The following DPY19L1 variants were observed in gnomAD, a reference collection of about 807,000 sequenced individuals.
DPY19L1 encodes the protein dpy-19 like C-mannosyltransferase 1.
DPY19L1 carries 35 observed loss-of-function variants against 96.9 expected under a neutral mutation model. The observed-to-expected ratio is 0.36, with a 90% CI of 0.28 to 0.48. DPY19L1 has a LOEUF of 0.48. Ranked by LOEUF, DPY19L1 falls within the 20% of genes least tolerant of loss-of-function variation. The pLI, the probability that DPY19L1 is intolerant of heterozygous loss-of-function variation, is 0.99. For missense variants in DPY19L1, 521 were observed against 777.9 expected, an observed-to-expected ratio of 0.67 and a Z score of 3.93; for synonymous variants, 205 against 252.6, an observed-to-expected ratio of 0.81 and a Z score of 1.79.
intron 4 of DPY19L1, 125 bp downstream of exon 4, chr7:35,013,443 A>G: frequency 1.4e-6 from 1 of 692,104 alleles, no homozygotes; most frequent in East Asian, 3.1e-5. Context: ...CACAAGATAC[A>G]TATTTTCTTT....
upstream of DPY19L1, chr7:35,037,988 C>G (rs1164389686): frequency 9.3e-7 from 1 of 1,076,384 alleles, no homozygotes; most frequent in Non-Finnish European, 1.2e-6. Context: ...TTGGAGCCCG[C>G]GCAGGCGAGA....
At chr7:34,952,096 G>T (rs1223312944) in intron 13 of DPY19L1, among the ~76,000 whole-genome samples, 3 of 141,972 alleles carry the variant, frequency 2.1e-5, no homozygotes, top group Non-Finnish European at 3.0e-5. Context: ...TTCCTAAGTT[G>T]CCAGAAAGTA....
chr7:34,936,625 A>T (rs1030065582), intron 21 of DPY19L1, among the ~76,000 whole-genome samples: 2 of 152,246 alleles, frequency 1.3e-5, no homozygotes, highest in Non-Finnish European at 2.9e-5. Flanking sequence ...CTAAATTTAT[A>T]TAACAATGTT....
At chr7:34,963,343 G>A (rs1784542564) in intron 10 of DPY19L1, among the ~76,000 whole-genome samples, 1 of 152,084 alleles carries the variant, frequency 6.6e-6, no homozygotes, top group African/African-American at 2.4e-5. Context: ...ATAAATGTTG[G>A]TGATTACATG....
chr7:34,982,671 T>C (rs892617100), intron 7 of DPY19L1, among the ~76,000 whole-genome samples: 3 of 152,000 alleles, frequency 2.0e-5, no homozygotes, highest in African/African-American at 7.3e-5. Flanking sequence ...AGGCAGAGAG[T>C]CTTTGCTGGA....
intron 1 of DPY19L1, among the ~76,000 whole-genome samples, chr7:35,033,786 G>A (rs1344839516): frequency 6.6e-6 from 1 of 152,050 alleles, no homozygotes; most frequent in Non-Finnish European, 1.5e-5. Context: ...GGGCTTCAAG[G>A]TTCTCGTAAG....
intron 1 of DPY19L1, among the ~76,000 whole-genome samples, chr7:35,024,107 AT>A (rs1786066113): frequency 6.6e-6 from 1 of 152,078 alleles, no homozygotes; most frequent in Non-Finnish European, 1.5e-5. Context: ...AAGTGCCGGG[AT>A]AACAGGCATG....
intron 7 of DPY19L1, among the ~76,000 whole-genome samples, chr7:34,986,714 G>A (rs1281397851): frequency 1.3e-5 from 2 of 151,944 alleles, no homozygotes; most frequent in Non-Finnish European, 2.9e-5. Flanking sequence ...AGAAATATGG[G>A]TCAGAAATAT....
intron 1 of DPY19L1, among the ~76,000 whole-genome samples, chr7:35,035,119 A>C (rs1460318110): frequency 6.6e-6 from 1 of 152,224 alleles, no homozygotes; most frequent in Non-Finnish European, 1.5e-5. Flanking sequence ...ATTCAGCAGA[A>C]TCATCTCTCA....
intron 3 of DPY19L1, among the ~76,000 whole-genome samples, chr7:35,017,003 GTT>G (rs1010666910): frequency 7.2e-6 from 1 of 139,082 alleles, no homozygotes; most frequent in African/African-American, 2.6e-5. Flanking sequence ...CTGTTTTTTT[GTT>G]TTTTTTTTTT....
chr7:35,003,826 T>C lies in DPY19L1; in HGVS notation c.764+6642A>G, dbSNP rs953108495. 7.9e-5 allele frequency among the ~76,000 whole-genome samples: 12 copies of C among 152,248 alleles called. 1 individual carries two copies. On this transcript the variant is annotated intron_variant, in intron 6 of 21. Transcript: ENST00000638088. ...CACACCAGGCTTGGTGCAGAGCCAG[T>C]GTACTGTAGTCTCTCAGGGGAGTTG...
Position 35,010,487 on chromosome 7 carries a change from T to A in DPY19L1, c.745A>T (p.Ile249Leu). 6.3e-7 allele frequency: 1 copy of A among 1,594,014 alleles called. No individual in the cohort carries two copies. The highest frequency in any genetic ancestry group is 8.6e-7 in the Non-Finnish European group (1 of 1,164,048). The part of the protein sequence containing the change: ...LNGLMMALFF[I>L]YGTYLSGSRL... ...TCTTACCTTAAATATGTGCCATATA[T>A]GAAGAATAATGCCATCATTAGTCCA... Residue 249 changes from isoleucine to leucine, a missense_variant, in exon 6 of 22, where the codon ATA (isoleucine) becomes TTA (leucine). Physicochemically the swap from Ile to Leu is conservative, Grantham distance 5. Coordinates refer to ENST00000638088, the MANE Select transcript of DPY19L1 (RefSeq NM_001366673.1).
chr7:34,991,643 GAC>G (rs1785170584), intron 6 of DPY19L1, among the ~76,000 whole-genome samples: 1 of 152,070 alleles, frequency 6.6e-6, no homozygotes, highest in Non-Finnish European at 1.5e-5. Flanking sequence ...ACTCTAACAA[GAC>G]AAAAAATATA....
intron 1 of DPY19L1, among the ~76,000 whole-genome samples, chr7:35,025,544 A>G (rs1786100533): frequency 6.6e-6 from 1 of 152,146 alleles, no homozygotes; most frequent in Non-Finnish European, 1.5e-5. Context: ...CAAGACATGG[A>G]TATAACTTAG....
Position 34,983,473 on chromosome 7 carries a change from TAAG to T in DPY19L1, c.822+6408_822+6410del, listed in dbSNP as rs1244729524. ...GGCTCTATGGAATAAATGGAAATTC[TAAG>T]AAGGAACGAAGGAAGAAAGGGAAAG... On this transcript the variant is annotated intron_variant, in intron 7 of 21. Coordinates refer to ENST00000638088, the MANE Select transcript of DPY19L1 (RefSeq NM_001366673.1). 4.4e-5 allele frequency among the ~76,000 whole-genome samples: 6 copies of T among 136,416 alleles called. No homozygotes were observed. In the East Asian group the frequency reaches 1.3e-3, roughly 29 times the overall value. The allele number at this position is 136,416 out of a possible 152,430, so 89.5% of individuals were successfully genotyped here.
At chr7:34,939,925 AT>A (rs1357029145) in intron 19 of DPY19L1, among the ~76,000 whole-genome samples, 8 of 152,186 alleles carry the variant, frequency 5.3e-5, no homozygotes, top group Admixed American at 5.2e-4. Flanking sequence ...ATTAAAATCT[AT>A]AAAAAATGGC....
At chr7:35,006,954 A>G (rs1459012673) in intron 6 of DPY19L1, among the ~76,000 whole-genome samples, 2 of 152,228 alleles carry the variant, frequency 1.3e-5, no homozygotes, top group African/African-American at 4.8e-5. Flanking sequence ...AGTACATAAT[A>G]CAATTTATTT....
intron 6 of DPY19L1, among the ~76,000 whole-genome samples, chr7:34,997,066 C>G (rs1383997253): frequency 6.6e-6 from 1 of 152,064 alleles, no homozygotes; most frequent in Non-Finnish European, 1.5e-5. Flanking sequence ...TCATGGCTAT[C>G]TCTTAGAGGT....
chr7:35,001,649 C>G (rs1287461722), intron 6 of DPY19L1, among the ~76,000 whole-genome samples: 1 of 152,208 alleles, frequency 6.6e-6, no homozygotes, highest in Admixed American at 6.5e-5. Flanking sequence ...GGCAGTCACT[C>G]TAAGTTCTGC....
Sources: gnomAD v4.1 joint callset for allele counts (sites outside exome capture counted in the v4.1 genomes callset) on GRCh38, gnomAD v4.1.1 for gene constraint, MANE v1.5 for transcripts, NCBI Gene and HGNC (gene_info 2026-07-23, HGNC 2026-07-21) for gene names.